NAMPT: variants seen among roughly 807,000 people sequenced by gnomAD.
The protein encoded by NAMPT is nicotinamide phosphoribosyltransferase.
NAMPT carries 7 observed loss-of-function variants against 58.7 expected under a neutral mutation model. That is an observed-to-expected ratio of 0.12 (90% CI 0.07 to 0.22). NAMPT has a LOEUF of 0.22. Among genes scored for constraint, NAMPT ranks in the 10% least tolerant of loss-of-function variants. The probability of loss-of-function intolerance (pLI) is 1.00; values close to 1 mark genes in which losing one functional copy is unlikely to be tolerated. For missense variants in NAMPT, 271 were observed against 567.9 expected, an observed-to-expected ratio of 0.48 and a Z score of 5.31; for synonymous variants, 145 against 198.1, an observed-to-expected ratio of 0.73 and a Z score of 2.25.
At chr7:106,273,878 G>A (rs1022516580) in intron 3 of NAMPT, among the ~76,000 whole-genome samples, 2 of 151,742 alleles carry the variant, frequency 1.3e-5, no homozygotes, top group Admixed American at 1.3e-4. Context: ...TGTCATATAG[G>A]CATGAAAGTT....
chr7:106,267,047 G>C (rs1398037804), intron 6 of NAMPT, among the ~76,000 whole-genome samples: 2 of 152,096 alleles, frequency 1.3e-5, no homozygotes. Context: ...CACAATGCTT[G>C]ATACAAGATA....
In NAMPT at chr7:106,250,870, A is replaced by G; in HGVS notation, c.*213T>C. On this transcript the variant is annotated 3_prime_UTR_variant, in exon 11 of 11. Transcript: ENST00000222553. ...GACTACCTATTGGCAAAGGGCCCTAAAAAGCTTACTTTAGCACTCATCTTT... is the reference window on the plus strand; with the variant it reads ...GACTACCTATTGGCAAAGGGCCCTAGAAAGCTTACTTTAGCACTCATCTTT... 1.9e-6 allele frequency: 1 copy of G among 519,286 alleles called. No homozygotes were observed. Among genetic ancestry groups the G allele is most frequent in the Non-Finnish European group, 3.4e-6 (1 of 296,664 alleles). 32.2% of individuals were successfully genotyped at this position (519,286 alleles called of 1,614,324 possible).
rs920512473 is a variant in NAMPT, at chr7:106,249,796, T to G, written c.*1287A>C. 4.6e-5 allele frequency: 7 copies of G among 152,010 alleles called. No homozygotes were observed. Among genetic ancestry groups the G allele is most frequent in the African/African-American group, 1.7e-4 (7 of 41,410 alleles). The allele number at this position is 152,010 out of a possible 1,614,324, so 9.4% of individuals were successfully genotyped here. On this transcript the variant is annotated 3_prime_UTR_variant, in exon 11 of 11. Coordinates refer to ENST00000222553, the MANE Select transcript of NAMPT (RefSeq NM_005746.3). ...CCAACCGCTGCCTCAGAAGAACAGA[T>G]CTACATACATAAAAGAATCATTCGA...
intron 8 of NAMPT, among the ~76,000 whole-genome samples, chr7:106,255,471 A>G (rs187992479): frequency 6.6e-6 from 1 of 152,344 alleles, no homozygotes; most frequent in East Asian, 1.9e-4. Flanking sequence ...TTCTCACCAA[A>G]TAGTCTCAAA....
At chr7:106,265,567 TA>T (rs35685666) in intron 6 of NAMPT, among the ~76,000 whole-genome samples, 4,466 of 116,414 alleles carry the variant, frequency 0.038, 136 homozygotes, top group South Asian at 0.14. Flanking sequence ...CTCAAAAGCT[TA>T]AAAAAAAAAA....
intron 6 of NAMPT, among the ~76,000 whole-genome samples, chr7:106,267,247 G>A (rs1005006238): frequency 3.9e-5 from 6 of 152,098 alleles, no homozygotes; most frequent in Admixed American, 1.3e-4. Context: ...ACCTCCTTAC[G>A]AGGAGTTAAC....
chr7:106,274,066 T>C (rs1401696092), intron 3 of NAMPT, among the ~76,000 whole-genome samples: 1 of 150,564 alleles, frequency 6.6e-6, no homozygotes, highest in Non-Finnish European at 1.5e-5. Context: ...TATTACCATG[T>C]CTTTGAGTGC....
chr7:106,274,844 C>T, intron 3 of NAMPT, 102 bp downstream of exon 3: 2 of 729,580 alleles, frequency 2.7e-6, no homozygotes. Context: ...GACAGAGTGA[C>T]ACTTTCTCTC....
upstream of NAMPT, chr7:106,285,135 T>G: frequency 1.3e-5 from 17 of 1,272,042 alleles, no homozygotes; most frequent in East Asian, 1.0e-4. Flanking sequence ...CCCACCTCGG[T>G]TCCCCCGCCT....
chr7:106,267,871 A>AAC (rs1562815986), intron 6 of NAMPT, among the ~76,000 whole-genome samples: 4 of 137,292 alleles, frequency 2.9e-5, no homozygotes, highest in African/African-American at 1.1e-4. Flanking sequence ...AAAAAAAAAA[A>AAC]AAAAACAACC....
chr7:106,260,226 A>G (rs1792279702), intron 8 of NAMPT, among the ~76,000 whole-genome samples: 1 of 152,232 alleles, frequency 6.6e-6, no homozygotes, highest in Non-Finnish European at 1.5e-5. Context: ...ACCTGCATCA[A>G]TGATCTTAGC....
chr7:106,260,790 G>T (rs558969522), intron 8 of NAMPT, among the ~76,000 whole-genome samples: 1 of 152,320 alleles, frequency 6.6e-6, no homozygotes, highest in African/African-American at 2.4e-5. Context: ...AGTGAGCAGA[G>T]AAAGGGAATG....
At chr7:106,252,374 C>CT (rs1792119406) in intron 10 of NAMPT, among the ~76,000 whole-genome samples, 1 of 151,986 alleles carries the variant, frequency 6.6e-6, no homozygotes, top group African/African-American at 2.4e-5. Flanking sequence ...GGCTCAAAAC[C>CT]TTAATAAATG....
intron 1 of NAMPT, among the ~76,000 whole-genome samples, chr7:106,279,570 A>G (rs1792720365): frequency 1.3e-5 from 2 of 152,230 alleles, no homozygotes; most frequent in South Asian, 2.1e-4. Context: ...ACTTTCTACT[A>G]AACAGGCCAT....
At chr7:106,251,469 G>C (rs1212123321) in intron 10 of NAMPT, among the ~76,000 whole-genome samples, 1 of 152,040 alleles carries the variant, frequency 6.6e-6, no homozygotes, top group Non-Finnish European at 1.5e-5. Flanking sequence ...GGAAAACCAA[G>C]AAACCTAGCT....
intron 1 of NAMPT, among the ~76,000 whole-genome samples, chr7:106,277,457 G>A (rs1269121834): frequency 6.6e-6 from 1 of 152,108 alleles, no homozygotes; most frequent in East Asian, 1.9e-4. Context: ...TTGGTTTTGG[G>A]GAACAGTCCT....
At position 106,269,303 on chromosome 7, in the gene NAMPT, C is replaced by A. The variant is rs899204393; in HGVS notation, c.457G>T (p.Val153Phe). ...WLTNWIETIL[V>F]QSWYPITVAT... The stretch of plus-strand genomic sequence containing the variant: ...ACTGTGATTGGATACCAGGACTGAA[C>A]AAGAATAGTCTGTAGTAACAAAATT... Residue 153 changes from valine (V) to phenylalanine (F), a missense_variant, in exon 5 of 11, where the codon GTT becomes TTT. Around this residue, in one of 4 missense-constraint regions of NAMPT, gnomAD observed 103 missense variants for 194.2 expected, o/e 0.53. Transcript: ENST00000222553. 3 of 1,611,118 alleles carry A rather than the reference C, an allele frequency of 1.9e-6. No homozygotes were observed. The African/African-American group carries it at 4.0e-5, about 22-fold the overall frequency.
intron 1 of NAMPT, among the ~76,000 whole-genome samples, chr7:106,282,581 A>G (rs1339692652): frequency 6.6e-6 from 1 of 152,252 alleles, no homozygotes; most frequent in East Asian, 1.9e-4. Context: ...ACAATAAAGT[A>G]TGAGTTTACA....
At chr7:106,267,150 AT>A (rs1428263665) in intron 6 of NAMPT, among the ~76,000 whole-genome samples, 1 of 152,196 alleles carries the variant, frequency 6.6e-6, no homozygotes, top group African/African-American at 2.4e-5. Context: ...GATTTTGTAT[AT>A]TTCTATAAAA....
Sources: gnomAD v4.1 joint callset for allele counts (sites outside exome capture counted in the v4.1 genomes callset) on GRCh38, gnomAD v4.1.1 for gene constraint, gnomAD v4.1.1 regional missense constraint, MANE v1.5 for transcripts, NCBI Gene and HGNC (gene_info 2026-07-23, HGNC 2026-07-21) for gene names.